The following RBP7 variants were observed in gnomAD, a reference collection of about 807,000 sequenced individuals.
RBP7 encodes retinoid-binding protein 7.
Under a neutral mutation model 16.7 loss-of-function variants are expected in RBP7, and 13 were observed. The observed-to-expected ratio is 0.78, with a 90% CI of 0.51 to 1.24. RBP7 has a LOEUF of 1.24. Among genes scored for constraint, RBP7 ranks in the 50% most tolerant of loss-of-function variants. RBP7 has a pLI of 0.00. For synonymous variants in RBP7, 54 were observed against 56.2 expected, an observed-to-expected ratio of 0.96 and a Z score of 0.17; for missense variants, 145 against 159.5, an observed-to-expected ratio of 0.91 and a Z score of 0.49.
intron 1 of RBP7, among the ~76,000 whole-genome samples, chr1:10,006,669 T>C (rs1557485542): frequency 7.0e-6 from 1 of 142,964 alleles, no homozygotes; most frequent in Non-Finnish European, 1.5e-5. Flanking sequence ...CTCCCCAACC[T>C]GGGCGACAGA....
chr1:10,008,387 T>C (rs1199969996), intron 3 of RBP7, 113 bp downstream of exon 3: 2 of 638,082 alleles, frequency 3.1e-6, no homozygotes, highest in Non-Finnish European at 5.6e-6. Flanking sequence ...GAGGTGGGTG[T>C]ATCACTTGAG....
At chr1:10,007,789 G>A (rs1195849829) in intron 2 of RBP7, 41 bp downstream of exon 2, 3 of 1,590,308 alleles carry the variant, frequency 1.9e-6, no homozygotes, top group Non-Finnish European at 2.6e-6. Flanking sequence ...GATTACGCTT[G>A]TAATCCTAAC....
chr1:10,003,053 C>T (rs895267458), intron 1 of RBP7, among the ~76,000 whole-genome samples: 4 of 152,168 alleles, frequency 2.6e-5, no homozygotes, highest in Non-Finnish European at 5.9e-5. Context: ...GCCATGGCAA[C>T]ACCTGGAGTT....
chr1:9,999,274 C>T (rs546206561), intron 1 of RBP7, among the ~76,000 whole-genome samples: 5 of 152,252 alleles, frequency 3.3e-5, no homozygotes, highest in Admixed American at 6.5e-5. Flanking sequence ...TTGCCAGGCT[C>T]GGTGGCTCAC....
intron 1 of RBP7, among the ~76,000 whole-genome samples, chr1:10,001,423 A>G (rs1380218048): frequency 6.6e-6 from 1 of 152,096 alleles, no homozygotes; most frequent in Non-Finnish European, 1.5e-5. Flanking sequence ...CTCCCACCTC[A>G]GCCTTCCAAG....
intron 1 of RBP7, among the ~76,000 whole-genome samples, chr1:10,002,910 C>A (rs1260842962): frequency 6.6e-6 from 1 of 152,158 alleles, no homozygotes; most frequent in Non-Finnish European, 1.5e-5. Flanking sequence ...AGGTAGGAGG[C>A]AGGGCTCAAC....
intron 3 of RBP7, among the ~76,000 whole-genome samples, chr1:10,014,360 GTTTCT>G (rs556466196): frequency 3.3e-5 from 5 of 151,404 alleles, no homozygotes; most frequent in African/African-American, 7.3e-5. Context: ...CCATCAGGCT[GTTTCT>G]TTTCTTTTCT....
chr1:10,001,578 T>C (rs1461681360), intron 1 of RBP7, among the ~76,000 whole-genome samples: 1 of 151,844 alleles, frequency 6.6e-6, no homozygotes, highest in East Asian at 2.0e-4. Context: ...TGGGTTTTAA[T>C]ATTTGGAGCT....
chr1:9,998,003 G>T (rs1170507516), intron 1 of RBP7, among the ~76,000 whole-genome samples: 2 of 152,178 alleles, frequency 1.3e-5, no homozygotes, highest in East Asian at 1.9e-4. Flanking sequence ...TGCTCCCGGG[G>T]GCCCCGCGCT....
chr1:10,007,444 C>T (rs189951299), intron 1 of RBP7, 126 bp from the exon 2 acceptor site: 55 of 741,688 alleles, frequency 7.4e-5, no homozygotes, highest in Middle Eastern at 5.8e-4. Context: ...ATTTTGGCAG[C>T]AAACAACATA....
intron 3 of RBP7, among the ~76,000 whole-genome samples, chr1:10,011,504 A>C (rs980752430): frequency 2.0e-5 from 3 of 152,212 alleles, no homozygotes; most frequent in Non-Finnish European, 4.4e-5. Context: ...AAAATAATTT[A>C]AAGTTTCATC....
rs1447544606 is a variant in RBP7, at chr1:10,006,774, G to T, written c.74-796G>T. Among the ~76,000 whole-genome samples, 145 of 150,332 alleles carry T rather than the reference G, an allele frequency of 9.6e-4. 1 individual carries two copies. Among genetic ancestry groups the T allele is most frequent in the African/African-American group, 3.4e-3 (138 of 40,786 alleles). ...GTGTATATATATATATAGAGAGAGAGAGAGAGAGAGGTATATACATGAATC... is the reference window on the plus strand; with the variant it reads ...GTGTATATATATATATAGAGAGAGATAGAGAGAGAGGTATATACATGAATC... On this transcript the variant is annotated intron_variant, in intron 1 of 3. Coordinates refer to ENST00000294435, the MANE Select transcript of RBP7 (RefSeq NM_052960.3).
At chr1:10,014,395 T>C (rs1160742483) in intron 3 of RBP7, among the ~76,000 whole-genome samples, 8 of 151,440 alleles carry the variant, frequency 5.3e-5, no homozygotes, top group Non-Finnish European at 2.9e-5. Flanking sequence ...TTTTTCTTTT[T>C]TTTTTTTTGA....
intron 1 of RBP7, among the ~76,000 whole-genome samples, chr1:10,002,232 A>G (rs996647737): frequency 2.0e-5 from 3 of 152,174 alleles, no homozygotes; most frequent in African/African-American, 7.2e-5. Context: ...TGAAGCTTAG[A>G]TAAATGTACG....
At chr1:10,014,950 T>C (rs1321505811) in intron 3 of RBP7, among the ~76,000 whole-genome samples, 1 of 152,142 alleles carries the variant, frequency 6.6e-6, no homozygotes, top group Non-Finnish European at 1.5e-5. Flanking sequence ...TAAATTGGCT[T>C]ACTGGACACT....
chr1:10,006,586 C>T (rs1377335283), intron 1 of RBP7, among the ~76,000 whole-genome samples: 1 of 151,252 alleles, frequency 6.6e-6, no homozygotes, highest in Non-Finnish European at 1.5e-5. Context: ...TCCAGTTACT[C>T]AGGAGACTGA....
At chr1:9,999,551 C>G (rs1192411798) in intron 1 of RBP7, among the ~76,000 whole-genome samples, 1 of 151,796 alleles carries the variant, frequency 6.6e-6, no homozygotes, top group African/African-American at 2.4e-5. Context: ...GAAACTCTGT[C>G]TAAAATAATA....
intron 1 of RBP7, chr1:10,006,999 T>G (rs555190174): frequency 4.8e-6 from 2 of 415,920 alleles, no homozygotes; most frequent in African/African-American, 4.3e-5. Flanking sequence ...CAGGCTGGAG[T>G]GCAGTGGTGT....
At chr1:10,013,752 G>A (rs995307977) in intron 3 of RBP7, among the ~76,000 whole-genome samples, 6 of 152,052 alleles carry the variant, frequency 3.9e-5, no homozygotes, top group Non-Finnish European at 7.4e-5. Context: ...GGAGGTTGCA[G>A]TGAGCCGAGA....
Sources: allele counts gnomAD v4.1 joint callset (sites outside exome capture counted in the v4.1 genomes callset), GRCh38; gene constraint gnomAD v4.1.1; transcripts MANE v1.5; gene names NCBI Gene and HGNC (gene_info 2026-07-23, HGNC 2026-07-21).